APC: variants seen among roughly 807,000 people sequenced by gnomAD.
The protein encoded by APC is adenomatous polyposis coli protein.
In APC, 72 loss-of-function variants were observed where a neutral mutation model predicts 247.0. The observed-to-expected ratio is 0.29, with a 90% confidence interval of 0.24 to 0.35. The LOEUF is 0.35. APC is among the 10% of genes least tolerant of loss of function. The pLI is 1.00. For synonymous variants in APC, 1,254 were observed against 1,162.5 expected (o/e 1.08, Z -1.60); for missense variants, 3,400 against 3,360.7 (o/e 1.01, Z -0.29).
At position 112,839,528 on chromosome 5, in the gene APC, G is replaced by A. The variant is rs2149902377; in HGVS notation, c.3934G>A (p.Gly1312Arg). The change falls in exon 16 of 16, where the codon GGA (glycine) becomes AGA (arginine). Residue 1312 changes from glycine to arginine, a missense_variant. Transcript: ENST00000257430. The surrounding 1 kb of genome is among the most constrained non-coding windows in gnomAD (Gnocchi z 5.0). Reference sequence around the variant, plus strand: ...AATAGCAGAAATAAAAGAAAAGATTGGAACTAGGTCAGCTGAAGATCCTGT... The same window carrying A: ...AATAGCAGAAATAAAAGAAAAGATTAGAACTAGGTCAGCTGAAGATCCTGT... ...LQIAEIKEKI[G>R]TRSAEDPVSE... The A allele has an allele frequency of 6.2e-7, 1 of 1,614,166 alleles. No individual in the cohort carries two copies. Among genetic ancestry groups the A allele is most frequent in the Non-Finnish European group, 8.5e-7 (1 of 1,180,024 alleles).
chr5:112,778,460 C>G (rs1757927736), intron 5 of APC: 1 of 142,004 alleles, frequency 7.0e-6, no homozygotes, highest in Admixed American at 7.1e-5. Context: ...ATGAAGTATT[C>G]TATATTTAAA....
rs2019720 is a variant in APC, at chr5:112,738,572, A to G, written c.-19+647A>G. On this transcript the variant is annotated intron_variant, in intron 1 of 15. Transcript: ENST00000257430. ...TCCCTGTGAACAGGGTGGCAAACAG[A>G]TACCAGTGTCTTTGTTAGTTACAAA... 414,271 of 864,816 alleles carry G rather than the reference A, an allele frequency of 0.48. 103,676 individuals are homozygous for G. The highest frequency in any genetic ancestry group is 0.67 in the East Asian group (5,475 of 8,216). The allele number at this position is 864,816 out of a possible 1,614,324, so 53.6% of individuals were successfully genotyped here. A position where few individuals can be genotyped will look rare whatever the true frequency, so the allele number is the denominator to read the frequency against.
Position 112,767,385 on chromosome 5 carries a change from A to ATCTC in APC, c.417_418insTCTC (p.Glu140SerfsTer9). 6.2e-7 allele frequency: 1 copy of ATCTC among 1,613,448 alleles called. No homozygotes were observed. The highest frequency in any genetic ancestry group is 8.5e-7 in the Non-Finnish European group (1 of 1,179,420). On this transcript the variant is annotated frameshift_variant, in exon 4 of 16. Coordinates refer to ENST00000257430, the MANE Select transcript of APC (RefSeq NM_000038.6). LOFTEE classifies it high-confidence loss of function. ...CTGGATATTTAGAAGAACTTGAGAA[A>ATCTC]GAGAGGTAACTTTTCTTCATATAGT...
chr5:112,812,212 C>G (rs1044538381), intron 8 of APC, among the ~76,000 whole-genome samples: 2 of 152,074 alleles, frequency 1.3e-5, no homozygotes, highest in Non-Finnish European at 2.9e-5. Context: ...TACAAAAACG[C>G]GTGAATACCA....
intron 14 of APC, chr5:112,829,512 G>T (rs1191564572): frequency 6.3e-6 from 1 of 158,810 alleles, no homozygotes; most frequent in Non-Finnish European, 1.4e-5. Flanking sequence ...AAGTACTAAG[G>T]TAGAAAAGAT....
intron 2 of APC, among the ~76,000 whole-genome samples, chr5:112,757,202 A>G (rs1356187104): frequency 6.6e-6 from 1 of 152,184 alleles, no homozygotes; most frequent in African/African-American, 2.4e-5. Flanking sequence ...CAGCCCTGTA[A>G]TGAAATTATA....
In APC at chr5:112,775,755, A is replaced by G; in HGVS notation, c.531+18A>G. 1 of 1,363,554 alleles carries G rather than the reference A, an allele frequency of 7.3e-7. No homozygotes were observed. The highest frequency in any genetic ancestry group is 2.3e-5 in the East Asian group (1 of 43,492). 84.5% of individuals were successfully genotyped at this position (1,363,554 alleles called of 1,614,324 possible). A position where few individuals can be genotyped will look rare whatever the true frequency, so the allele number is the denominator to read the frequency against. ...CTGAAAATGTAAGTAACTTGGCAGT[A>G]CAACTTATTTGAAACTTTAATAACT... is the stretch of plus-strand genomic sequence containing the variant. On this transcript the variant is annotated intron_variant, in intron 5 of 15. Transcript: ENST00000257430.
intron 1 of APC, among the ~76,000 whole-genome samples, chr5:112,740,524 C>CTTTTTTTTTTTTTTTTTTTT (rs11286305): frequency 3.0e-5 from 3 of 99,136 alleles, no homozygotes; most frequent in Admixed American, 1.2e-4. Context: ...GTTTTTTTTT[C>CTTTTTTTTTTTTTTTTTTTT]TTTTTTTTTT....
chr5:112,778,874 T>C (rs1758014817), intron 5 of APC, among the ~76,000 whole-genome samples: 2 of 152,204 alleles, frequency 1.3e-5, no homozygotes, highest in Admixed American at 6.5e-5. Context: ...AATAGACTAA[T>C]TAAAATATAA....
upstream of APC, among the ~76,000 whole-genome samples, chr5:112,735,931 T>C (rs1450399414): frequency 6.6e-6 from 1 of 152,212 alleles, no homozygotes; most frequent in Non-Finnish European, 1.5e-5. Context: ...GGCTACAAAC[T>C]GGTTTACTAA....
At chr5:112,708,119 C>T (rs1014127096) in intron 1 of APC, among the ~76,000 whole-genome samples, 9 of 152,232 alleles carry the variant, frequency 5.9e-5, no homozygotes, top group Non-Finnish European at 1.3e-4. Flanking sequence ...TCCACCTTTC[C>T]TGGCTGCTGC....
intron 1 of APC, among the ~76,000 whole-genome samples, chr5:112,753,629 G>T (rs1002951768): frequency 6.6e-6 from 1 of 152,012 alleles, no homozygotes; most frequent in Non-Finnish European, 1.5e-5. Flanking sequence ...CTCCTCAGAT[G>T]TCATTGGATT....
chr5:112,788,957 C>A (rs187823517), intron 6 of APC, among the ~76,000 whole-genome samples: 1 of 152,144 alleles, frequency 6.6e-6, no homozygotes, highest in Admixed American at 6.5e-5. Context: ...TGAATGGAAA[C>A]AATGATAGTG....
intron 1 of APC, among the ~76,000 whole-genome samples, chr5:112,745,650 A>T (rs548093918): frequency 1.3e-5 from 2 of 151,496 alleles, no homozygotes; most frequent in South Asian, 2.1e-4. Flanking sequence ...AGCAACCTCC[A>T]CCTCAAGCGA....
intron 8 of APC, among the ~76,000 whole-genome samples, chr5:112,809,247 A>G (rs1480574064): frequency 6.6e-6 from 1 of 151,940 alleles, no homozygotes; most frequent in South Asian, 2.1e-4. Context: ...GGTCCCAGCT[A>G]CTTGGGAGGT....
rs1580683136 is a variant in APC at position 112,843,075 on chromosome 5, C to T, written c.7481C>T (p.Ser2494Phe). The T allele has an allele frequency of 6.2e-7, 1 of 1,613,988 alleles. No homozygotes were observed. The highest frequency in any genetic ancestry group is 8.5e-7 in the Non-Finnish European group (1 of 1,179,846). The change falls in exon 16 of 16, where the codon TCC becomes TTC. Residue 2494 changes from serine (S) to phenylalanine (F), a missense_variant. Ser to Phe is a radical substitution (Grantham distance 155). Coordinates refer to ENST00000257430, the MANE Select transcript of APC (RefSeq NM_000038.6). This position sits in a 1 kb window ranked among gnomAD's most constrained non-coding sequence, Gnocchi z 4.8. ...CCTTCCCTTCCTGATATGTCTCTAT[C>T]CACACATTCGTCTGTTCAGGCTGGT... The part of the protein sequence containing the change: ...LSPSLPDMSL[S>F]THSSVQAGGW...
intron 11 of APC, among the ~76,000 whole-genome samples, chr5:112,823,147 A>G (rs565002907): frequency 6.6e-6 from 1 of 152,372 alleles, no homozygotes; most frequent in South Asian, 2.1e-4. Context: ...GGGATAAAAA[A>G]TAATGAATAA....
chr5:112,756,645 AGTTT>A (rs1200873416), intron 2 of APC, among the ~76,000 whole-genome samples: 5 of 151,334 alleles, frequency 3.3e-5, no homozygotes, highest in South Asian at 2.1e-4. Context: ...TCTTTTTTAA[AGTTT>A]GTTTAATTCC....
At chr5:112,814,416 G>T (rs1208156302) in intron 8 of APC, among the ~76,000 whole-genome samples, 1 of 152,090 alleles carries the variant, frequency 6.6e-6, no homozygotes, top group African/African-American at 2.4e-5. Context: ...TCCATTACGA[G>T]CATCATTACT....
Sources: gnomAD v4.1 joint callset for allele counts (sites outside exome capture counted in the v4.1 genomes callset) on GRCh38, gnomAD v4.1.1 for gene constraint, Gnocchi (gnomAD v3.1) non-coding constraint, MANE v1.5 for transcripts, NCBI Gene and HGNC (gene_info 2026-07-23, HGNC 2026-07-21) for gene names.